FGD3: variants seen among roughly 807,000 people sequenced by gnomAD.
FGD3 encodes FYVE, RhoGEF and PH domain-containing protein 3.
In FGD3, 45 loss-of-function variants were observed where a neutral mutation model predicts 71.8. The observed-to-expected ratio is 0.63, with a 90% confidence interval of 0.49 to 0.80. The LOEUF (loss-of-function observed/expected upper bound fraction) is 0.80. FGD3 is among the 30% of genes least tolerant of loss of function. The probability of loss-of-function intolerance (pLI) is 0.00; values close to 1 mark genes in which losing one functional copy is unlikely to be tolerated. For missense variants in FGD3, 844 were observed against 951.5 expected (o/e 0.89, Z 1.49); for synonymous variants, 378 against 392.8 (o/e 0.96, Z 0.44).
chr9:92,957,394 G>A (rs575659090), intron 1 of FGD3, among the ~76,000 whole-genome samples: 8 of 152,298 alleles, frequency 5.3e-5, no homozygotes, highest in Non-Finnish European at 1.0e-4. Flanking sequence ...CTTTTTCACT[G>A]TAGCGGTTCA....
In FGD3 at chr9:92,953,185, A is replaced by G. The variant is rs534097809; in HGVS notation, c.-218+5456A>G. Among the ~76,000 whole-genome samples, 81 of 152,122 alleles carry G rather than the reference A, an allele frequency of 5.3e-4. 1 individual carries two copies. Among genetic ancestry groups the G allele is most frequent in the Non-Finnish European group, 1.0e-3 (69 of 68,014 alleles). Reference sequence around the variant, plus strand: ...CCTTTATTGCCTTATTTTTTAATGTATATCATTCTCTATTTACACATTGAT... The same window carrying G: ...CCTTTATTGCCTTATTTTTTAATGTGTATCATTCTCTATTTACACATTGAT... On this transcript the variant is annotated intron_variant, in intron 1 of 17. Coordinates refer to ENST00000375482, the MANE Select transcript of FGD3 (RefSeq NM_001083536.2).
chr9:92,958,559 A>G (rs906074433), intron 1 of FGD3, among the ~76,000 whole-genome samples: 2 of 152,166 alleles, frequency 1.3e-5, no homozygotes, highest in African/African-American at 2.4e-5. Context: ...GATGAAACAT[A>G]TTTTCAGGTT....
intron 16 of FGD3, 187 bp from the exon 17 acceptor site, chr9:93,034,354 T>A (rs980466012): frequency 4.6e-6 from 3 of 652,394 alleles, no homozygotes; most frequent in Non-Finnish European, 7.3e-6. Flanking sequence ...CACATGCCTA[T>A]GTCCTGCAGG....
At chr9:93,016,178 C>T (rs1861677342) in intron 10 of FGD3, among the ~76,000 whole-genome samples, 1 of 152,030 alleles carries the variant, frequency 6.6e-6, no homozygotes, top group Admixed American at 6.5e-5. Context: ...TTTACAAACC[C>T]AAACATGAAG....
At chr9:93,015,652 A>T in intron 9 of FGD3, 85 bp from the exon 10 acceptor site, 1 of 847,110 alleles carries the variant, frequency 1.2e-6, no homozygotes, top group Non-Finnish European at 2.0e-6. Flanking sequence ...AAAAATGAAA[A>T]GGATCCCATG....
At position 93,003,465 on chromosome 9, in the gene FGD3, TGAG is replaced by T. The variant is rs79177813; in HGVS notation, c.543+455_543+457del. ...TTTTTGTTTTCAGTGCTTGTAGCTCTGAGGAGAAGGCTTTGCCAAGTCACCTGT... is the reference window on the plus strand; with the variant it reads ...TTTTTGTTTTCAGTGCTTGTAGCTCTGAGAAGGCTTTGCCAAGTCACCTGT... On this transcript the variant is annotated intron_variant, in intron 4 of 17. Transcript: ENST00000375482. The surrounding 1 kb of genome is among the most constrained non-coding windows in gnomAD (Gnocchi z 4.1). 0.042 allele frequency among the ~76,000 whole-genome samples: 6,391 copies of T among 152,338 alleles called. 181 individuals are homozygous for T. The highest frequency in any genetic ancestry group is 0.14 in the East Asian group (724 of 5,188).
At chr9:93,005,129 A>AT (rs796849169) in intron 5 of FGD3, among the ~76,000 whole-genome samples, 5,849 of 146,170 alleles carry the variant, frequency 0.04, 378 homozygotes, top group African/African-American at 0.13. Flanking sequence ...CCCTTTGGAC[A>AT]TTTTTTTTTT....
chr9:92,950,036 CT>C (rs35087926), intron 1 of FGD3, among the ~76,000 whole-genome samples: 101,385 of 146,708 alleles, frequency 0.69, 35,989 homozygotes, highest in African/African-American at 0.88. Flanking sequence ...TTTCCTTCCT[CT>C]TTTTTTTTTT....
chr9:93,010,310 C>T lies in FGD3; in HGVS notation c.902C>T (p.Pro301Leu). Residue 301 changes from proline (P) to leucine (L), a missense_variant, in exon 7 of 18, where the codon CCC (proline) becomes CTC (leucine). Coordinates refer to ENST00000375482, the MANE Select transcript of FGD3 (RefSeq NM_001083536.2). ...ATGCTGGAGCCCGTGCAGAGGGTCC[C>T]CCGGTACGAGCTGCTGCTCAAGGAC... Reference protein sequence around the residue: ...HHMLEPVQRVPRYELLLKDYL... With the variant: ...HHMLEPVQRVLRYELLLKDYL... 6.2e-7 allele frequency: 1 copy of T among 1,613,670 alleles called. No individual in the cohort carries two copies. The highest frequency in any genetic ancestry group is 8.5e-7 in the Non-Finnish European group (1 of 1,179,670).
intron 13 of FGD3, 176 bp downstream of exon 13, chr9:93,020,600 T>C (rs1441084900): frequency 1.5e-5 from 9 of 596,388 alleles, no homozygotes; most frequent in Admixed American, 2.9e-5. Context: ...ACAAATTAAA[T>C]TTAACAATTT....
intron 15 of FGD3, among the ~76,000 whole-genome samples, chr9:93,030,725 G>C (rs34155304): frequency 4.4e-4 from 63 of 142,436 alleles, no homozygotes; most frequent in Admixed American, 2.2e-3. Flanking sequence ...CAGCAGGGGG[G>C]GGGGAATAAG....
At chr9:93,015,095 C>G (rs932159476) in intron 9 of FGD3, among the ~76,000 whole-genome samples, 1 of 152,170 alleles carries the variant, frequency 6.6e-6, no homozygotes, top group Non-Finnish European at 1.5e-5. Flanking sequence ...GAGTCTGGCT[C>G]CTTTAGCTCA....
At chr9:92,949,566 C>T (rs1039125962) in intron 1 of FGD3, among the ~76,000 whole-genome samples, 9 of 152,156 alleles carry the variant, frequency 5.9e-5, no homozygotes, top group African/African-American at 2.2e-4. Flanking sequence ...GACATCCCAA[C>T]GAGGGATATC....
intron 1 of FGD3, among the ~76,000 whole-genome samples, chr9:92,971,566 CTTTTTTTTTTTT>C (rs869043960): frequency 7.6e-5 from 3 of 39,570 alleles, no homozygotes; most frequent in Non-Finnish European, 1.4e-4. Flanking sequence ...CTTTTCTTTT[CTTTTTTTTTTTT>C]TTTTTTTTTT....
chr9:93,030,952 T>G (rs945790274), intron 15 of FGD3, among the ~76,000 whole-genome samples: 3 of 151,590 alleles, frequency 2.0e-5, no homozygotes, highest in Non-Finnish European at 4.4e-5. Flanking sequence ...GACTGGAGAA[T>G]TGATGGATGG....
chr9:92,953,067 A>T (rs1858985512), intron 1 of FGD3, among the ~76,000 whole-genome samples: 2 of 152,188 alleles, frequency 1.3e-5, no homozygotes, highest in Non-Finnish European at 2.9e-5. Flanking sequence ...CCCTGGGCAT[A>T]TGAGTGTTTC....
chr9:92,950,909 C>T (rs946334837), intron 1 of FGD3, among the ~76,000 whole-genome samples: 5 of 152,198 alleles, frequency 3.3e-5, no homozygotes, highest in Admixed American at 1.3e-4. Flanking sequence ...TGTTGTGCCA[C>T]GTCCCCTGCG....
At chr9:93,015,062 A>T (rs1861615731) in intron 9 of FGD3, among the ~76,000 whole-genome samples, 2 of 151,682 alleles carry the variant, frequency 1.3e-5, no homozygotes, top group South Asian at 4.2e-4. Flanking sequence ...CCTTTCCCAA[A>T]TGTCACATCA....
At chr9:93,015,670 C>T in intron 9 of FGD3, 67 bp from the exon 10 acceptor site, 1 of 1,193,962 alleles carries the variant, frequency 8.4e-7, no homozygotes, top group Non-Finnish European at 1.2e-6. Context: ...ATGTGAGAAG[C>T]TCACTGGGGC....
Sources: allele counts gnomAD v4.1 joint callset (sites outside exome capture counted in the v4.1 genomes callset), GRCh38; gene constraint gnomAD v4.1.1; non-coding constraint Gnocchi (gnomAD v3.1); transcripts MANE v1.5; gene names NCBI Gene and HGNC (gene_info 2026-07-23, HGNC 2026-07-21).